Variants in GRM5 observed in about 807,000 individuals in gnomAD.
GRM5 encodes glutamate metabotropic receptor 5.
GRM5 carries 19 observed loss-of-function variants against 83.1 expected under a neutral mutation model. That is an observed-to-expected ratio of 0.23 (90% CI 0.16 to 0.34). The LOEUF (loss-of-function observed/expected upper bound fraction) is 0.34. GRM5 is among the 10% of genes least tolerant of loss of function. The pLI, the probability that GRM5 is intolerant of heterozygous loss-of-function variation, is 1.00. For synonymous variants in GRM5, 675 were observed against 633.6 expected (o/e 1.07, Z -0.98); for missense variants, 1,160 against 1,588.3 (o/e 0.73, Z 4.58).
At position 89,026,426 on chromosome 11, in the gene GRM5, T is replaced by C. The variant is rs544937534; in HGVS notation, c.661+20786A>G. 4.1e-4 allele frequency among the ~76,000 whole-genome samples: 63 copies of C among 152,316 alleles called. 1 individual carries two copies. The highest frequency in any genetic ancestry group is 1.2e-3 in the African/African-American group (50 of 41,574). ...GGGTCAGGGTTTCATATAGACACTT[T>C]ATACTTCTTTAGCATCTGCATTTGG... On this transcript the variant is annotated intron_variant, in intron 2 of 9. Coordinates refer to ENST00000305447, the MANE Select transcript of GRM5 (RefSeq NM_001143831.3).
At chr11:88,796,641 G>GC (rs969223184) in intron 3 of GRM5, among the ~76,000 whole-genome samples, 1 of 152,080 alleles carries the variant, frequency 6.6e-6, no homozygotes, top group African/African-American at 2.4e-5. Context: ...TTTTCATTAA[G>GC]CATGGGAAGT....
At chr11:88,605,675 G>T (rs1445284231) in intron 4 of GRM5, among the ~76,000 whole-genome samples, 1 of 152,090 alleles carries the variant, frequency 6.6e-6, no homozygotes, top group African/African-American at 2.4e-5. Context: ...TACAGTGAAA[G>T]GTAGAATATA....
chr11:88,647,741 T>C (rs7394984), intron 4 of GRM5, among the ~76,000 whole-genome samples: 104,539 of 152,036 alleles, frequency 0.69, 41,726 homozygotes, highest in Non-Finnish European at 0.9. Context: ...AGAAAATTTT[T>C]GCAACCTATT....
chr11:88,629,659 C>A (rs1224384523), intron 4 of GRM5, among the ~76,000 whole-genome samples: 1 of 152,174 alleles, frequency 6.6e-6, no homozygotes, highest in South Asian at 2.1e-4. Context: ...CCCATGCTGT[C>A]TCCTCCAATT....
At position 89,001,379 on chromosome 11, in the gene GRM5, A is replaced by G. The variant is rs115541551; in HGVS notation, c.661+45833T>C. On this transcript the variant is annotated intron_variant, in intron 2 of 9. Coordinates refer to ENST00000305447, the MANE Select transcript of GRM5 (RefSeq NM_001143831.3). ...GTGGATGGTATATCCATATCAGGGG[A>G]CAGAGATATTGATACAGCCAACAAC... Among the ~76,000 whole-genome samples, 952 of 152,254 alleles carry G rather than the reference A, an allele frequency of 6.3e-3. 10 individuals are homozygous for G. Among genetic ancestry groups the G allele is most frequent in the African/African-American group, 0.022 (899 of 41,546 alleles).
chr11:88,921,076 C>CA (rs1565292761), intron 2 of GRM5, among the ~76,000 whole-genome samples: 7 of 16,858 alleles, frequency 4.2e-4, no homozygotes, highest in Non-Finnish European at 1.9e-3. Flanking sequence ...AAGACCACTG[C>CA]GTTTTTTTTT....
intron 3 of GRM5, among the ~76,000 whole-genome samples, chr11:88,847,927 A>G (rs1944326159): frequency 6.6e-6 from 1 of 152,212 alleles, no homozygotes; most frequent in African/African-American, 2.4e-5. Flanking sequence ...CTATTTACTT[A>G]GTGTACATGG....
chr11:88,854,988 A>G (rs2135545556), intron 2 of GRM5, among the ~76,000 whole-genome samples: 1 of 152,040 alleles, frequency 6.6e-6, no homozygotes, highest in Admixed American at 6.6e-5. Context: ...ATAATAAAGT[A>G]TAACAGCATA....
At chr11:88,522,603 C>CTG (rs55777647) in intron 9 of GRM5, among the ~76,000 whole-genome samples, 2,439 of 127,258 alleles carry the variant, frequency 0.019, 40 homozygotes, top group Non-Finnish European at 0.023. Context: ...CTCTCTCTCT[C>CTG]TGTGTGTGTG....
At chr11:88,587,906 C>A (rs1339421362) in intron 7 of GRM5, among the ~76,000 whole-genome samples, 1 of 152,134 alleles carries the variant, frequency 6.6e-6, no homozygotes, top group African/African-American at 2.4e-5. Flanking sequence ...TTTCCTTTCC[C>A]TATGTAAAAC....
At chr11:88,560,300 G>A (rs764796666) in intron 8 of GRM5, among the ~76,000 whole-genome samples, 12 of 151,956 alleles carry the variant, frequency 7.9e-5, no homozygotes, top group Non-Finnish European at 1.6e-4. Flanking sequence ...TTCTAATTTC[G>A]GGCAGAATTT....
At chr11:88,864,088 A>G (rs1196706677) in intron 2 of GRM5, among the ~76,000 whole-genome samples, 3 of 147,926 alleles carry the variant, frequency 2.0e-5, no homozygotes, top group Non-Finnish European at 3.0e-5. Flanking sequence ...GTGACCCTGC[A>G]GAAGGAGTTG....
intron 2 of GRM5, among the ~76,000 whole-genome samples, chr11:89,002,509 A>G (rs1940412845): frequency 6.6e-6 from 1 of 152,118 alleles, no homozygotes. Context: ...ATGAATCCTG[A>G]TAGGTTATCC....
rs897466047 is a variant in GRM5 at position 88,715,191 on chromosome 11, T to C, written c.912-61788A>G. On this transcript the variant is annotated intron_variant, in intron 3 of 9. Transcript: ENST00000305447. ...TTAAAATAGTACCTGTTACATACTATAATAGATGCTCAATTAGTATTTGTG... is the reference window on the plus strand; with the variant it reads ...TTAAAATAGTACCTGTTACATACTACAATAGATGCTCAATTAGTATTTGTG... Among the ~76,000 whole-genome samples, 10 of 152,002 alleles carry C rather than the reference T, an allele frequency of 6.6e-5. 1 individual carries two copies. The highest frequency in any genetic ancestry group is 2.4e-4 in the African/African-American group (10 of 41,422).
chr11:88,945,390 G>A (rs1938246359), intron 2 of GRM5, among the ~76,000 whole-genome samples: 1 of 151,746 alleles, frequency 6.6e-6, no homozygotes, highest in South Asian at 2.1e-4. Flanking sequence ...CTAGAAAAAT[G>A]TAATGTAGCA....
chr11:88,989,043 C>G (rs1209198163), intron 2 of GRM5, among the ~76,000 whole-genome samples: 4 of 151,452 alleles, frequency 2.6e-5, no homozygotes, highest in Admixed American at 2.6e-4. Context: ...ACTAAATGCT[C>G]CAATTAAAAG....
At chr11:88,633,923 C>T (rs1939049847) in intron 4 of GRM5, among the ~76,000 whole-genome samples, 1 of 152,148 alleles carries the variant, frequency 6.6e-6, no homozygotes, top group Non-Finnish European at 1.5e-5. Flanking sequence ...ACTGTTTGAA[C>T]ATCTTAGAGG....
At chr11:89,064,888 C>CTCTCTGTGTGTGTG (rs1218318990) in intron 1 of GRM5, among the ~76,000 whole-genome samples, 7 of 62,266 alleles carry the variant, frequency 1.1e-4, no homozygotes, top group African/African-American at 4.8e-4. Flanking sequence ...CTCTCTCTCT[C>CTCTCTGTGTGTGTG]TGTGTGTGTG....
chr11:88,813,767 A>C (rs1943624316), intron 3 of GRM5, among the ~76,000 whole-genome samples: 3 of 152,314 alleles, frequency 2.0e-5, no homozygotes, highest in South Asian at 4.1e-4. Flanking sequence ...ACATATAAAG[A>C]TTCATATAAA....
Sources: gnomAD v4.1 joint callset for allele counts (sites outside exome capture counted in the v4.1 genomes callset) on GRCh38, gnomAD v4.1.1 for gene constraint, MANE v1.5 for transcripts, NCBI Gene and HGNC (gene_info 2026-07-23, HGNC 2026-07-21) for gene names.